The following STK32C variants were observed in gnomAD, a reference collection of about 807,000 sequenced individuals.
STK32C encodes serine/threonine-protein kinase 32C.
STK32C carries 31 observed loss-of-function variants against 56.5 expected under a neutral mutation model. The ratio of observed to expected loss-of-function variants is 0.55; its 90% confidence interval spans 0.41 to 0.74. The LOEUF is 0.74. STK32C is among the 30% of genes least tolerant of loss of function. The pLI is 0.00. For missense variants in STK32C, 544 were observed against 676.9 expected (o/e 0.80, Z 2.18); for synonymous variants, 309 against 289.4 (o/e 1.07, Z -0.69).
intron 1 of STK32C, among the ~76,000 whole-genome samples, chr10:132,278,927 G>C (rs2065070581): frequency 1.3e-5 from 2 of 152,182 alleles, no homozygotes; most frequent in Non-Finnish European, 1.5e-5. Context: ...CATGGTACAA[G>C]AGTGTGTCAG....
rs544433569 is a variant in STK32C at position 132,254,445 on chromosome 10, A to G, written c.263-8490T>C. 5.4e-3 allele frequency among the ~76,000 whole-genome samples: 807 copies of G among 149,360 alleles called. 5 individuals carry two copies. Among genetic ancestry groups the G allele is most frequent in the Non-Finnish European group, 6.6e-3 (445 of 66,992 alleles). ...ATAAGCCTGCCGCAGGGCGCCGGGA[A>G]TCAGCACTATGTCACCCCGGCACAA... On this transcript the variant is annotated intron_variant, in intron 1 of 11. Transcript: ENST00000298630.
In STK32C at chr10:132,276,692, C is replaced by A. The variant is rs148471656; in HGVS notation, c.263-30737G>T. ...GTCCCAGCTACTCAGGAGACTGGGGCGGGAGGATTGCTTGAGCCCAGGAGC... is the reference window on the plus strand; with the variant it reads ...GTCCCAGCTACTCAGGAGACTGGGGAGGGAGGATTGCTTGAGCCCAGGAGC... On this transcript the variant is annotated intron_variant, in intron 1 of 11. Transcript: ENST00000298630. 1.7e-4 allele frequency among the ~76,000 whole-genome samples: 26 copies of A among 151,974 alleles called. No individual in the cohort carries two copies. The East Asian group carries it at 4.8e-3, about 28-fold the overall frequency.
chr10:132,221,541 G>A lies in STK32C; in HGVS notation c.1251+1100C>T, dbSNP rs570620168. Among the ~76,000 whole-genome samples, 9 of 145,412 alleles carry A rather than the reference G, an allele frequency of 6.2e-5. No individual in the cohort carries two copies. The South Asian group carries it at 2.0e-3, about 33-fold the overall frequency. ...AACTAATATCAACGCACCTGGGCAA[G>A]TGTGAGGGCTTCACGTGGCCATCCC... is the stretch of plus-strand genomic sequence containing the variant. On this transcript the variant is annotated intron_variant, in intron 10 of 11. Coordinates refer to ENST00000298630, the MANE Select transcript of STK32C (RefSeq NM_173575.4).
In STK32C at chr10:132,267,814, CGT is replaced by C. The variant is rs1170278536; in HGVS notation, c.263-21861_263-21860del. Among the ~76,000 whole-genome samples, 6 of 78,054 alleles carry C rather than the reference CGT, an allele frequency of 7.7e-5. 1 individual carries two copies. The highest frequency in any genetic ancestry group is 3.9e-4 in the East Asian group (1 of 2,570). The allele number at this position is 78,054 out of a possible 152,430, so 51.2% of individuals were successfully genotyped here. ...GCCTGTGTGCATGCATGTCCCACAT[CGT>C]GTGTGTGTGTGTCAGTGCGTGTGCA... is the stretch of plus-strand genomic sequence containing the variant. On this transcript the variant is annotated intron_variant, in intron 1 of 11. Transcript: ENST00000298630.
At position 132,238,974 on chromosome 10, in the gene STK32C, T is replaced by C. The variant is rs375783348; in HGVS notation, c.318+6926A>G. Among the ~76,000 whole-genome samples, 1,144 of 152,300 alleles carry C rather than the reference T, an allele frequency of 7.5e-3. 19 individuals carry two copies. The South Asian group carries it at 0.083, about 11-fold the overall frequency. ...GTGACTGTCCAGCCCTGTCGGGTCCTCAGTGCTCCTGAAACCCTCGCCCTG... is the reference window on the plus strand; with the variant it reads ...GTGACTGTCCAGCCCTGTCGGGTCCCCAGTGCTCCTGAAACCCTCGCCCTG... On this transcript the variant is annotated intron_variant, in intron 2 of 11. Coordinates refer to ENST00000298630, the MANE Select transcript of STK32C (RefSeq NM_173575.4).
intron 1 of STK32C, among the ~76,000 whole-genome samples, chr10:132,272,740 G>A (rs760943833): frequency 1.3e-5 from 2 of 152,108 alleles, no homozygotes; most frequent in South Asian, 2.1e-4. Context: ...TGCAGGCGTC[G>A]TCCTTTTGAA....
At chr10:132,241,331 A>T (rs754672781) in intron 2 of STK32C, among the ~76,000 whole-genome samples, 7 of 152,244 alleles carry the variant, frequency 4.6e-5, no homozygotes, top group Non-Finnish European at 1.0e-4. Flanking sequence ...TGGCTCAACG[A>T]CAAGGTCGAC....
At chr10:132,245,139 C>T (rs967664495) in intron 2 of STK32C, among the ~76,000 whole-genome samples, 2 of 152,180 alleles carry the variant, frequency 1.3e-5, no homozygotes, top group Non-Finnish European at 2.9e-5. Context: ...GCATGGCAAT[C>T]GCTTTAAAAA....
At position 132,208,138 on chromosome 10, in the gene STK32C, G is replaced by A. The variant is rs2062157818; in HGVS notation, c.1333C>T (p.Gln445Ter). 1 of 1,310,438 alleles carries A rather than the reference G, an allele frequency of 7.6e-7. No individual in the cohort carries two copies. The allele number at this position is 1,310,438 out of a possible 1,614,324, so 81.2% of individuals were successfully genotyped here. ...IFNREKLKRS[Q>*]DLPREPLPAP... ...GGGAGAGGCTCCCTCGGGAGGTCCT[G>A]GCTCCTCTTCAGCCTGGGGTGGCAG... Residue 445 changes from glutamine to a stop codon, truncating the protein, a stop_gained, in exon 12 of 12, where the codon CAG (glutamine) becomes TAG (stop). Coordinates refer to ENST00000298630, the MANE Select transcript of STK32C (RefSeq NM_173575.4). LOFTEE classifies it low-confidence loss of function (END_TRUNC).
At chr10:132,249,392 GA>G (rs2063817838) in intron 1 of STK32C, among the ~76,000 whole-genome samples, 1 of 152,198 alleles carries the variant, frequency 6.6e-6, no homozygotes, top group Admixed American at 6.5e-5. Context: ...GCTGCTCAGG[GA>G]AGGTGCAGGC....
At chr10:132,304,515 T>C (rs2066000775) in intron 1 of STK32C, among the ~76,000 whole-genome samples, 1 of 152,208 alleles carries the variant, frequency 6.6e-6, no homozygotes, top group South Asian at 2.1e-4. Context: ...AACAAGCACC[T>C]TACGGCAAAT....
At chr10:132,284,391 AGGTGAGGTTGCAG>A in intron 1 of STK32C, among the ~76,000 whole-genome samples, 1 of 18,078 alleles carries the variant, frequency 5.5e-5, no homozygotes, top group African/African-American at 2.0e-4. Flanking sequence ...TTGGGGGGGC[AGGTGAGGTTGCAG>A]GGGCAGGTGA....
At chr10:132,331,687 G>A in exon 1 of STK32C, 1 of 1,612,740 alleles carries the variant, frequency 6.2e-7, no homozygotes, top group African/African-American at 1.3e-5. Flanking sequence ...CTGTCCTCGA[G>A]CAGCCCCGCC....
In STK32C at chr10:132,307,341, C is replaced by A; in HGVS notation, c.262+231G>T. The A allele has an allele frequency of 2.5e-6, 1 of 393,882 alleles. No individual in the cohort carries two copies. The highest frequency in any genetic ancestry group is 4.4e-6 in the Non-Finnish European group (1 of 227,596). 24.4% of individuals were successfully genotyped at this position (393,882 alleles called of 1,614,324 possible). Reference sequence around the variant, plus strand: ...CGCGGGGGACCCTCGCCCCGAGGGCCCGGGCCCAGCCTGCTCCTCCTGCGG... The same window carrying A: ...CGCGGGGGACCCTCGCCCCGAGGGCACGGGCCCAGCCTGCTCCTCCTGCGG... On this transcript the variant is annotated intron_variant, in intron 1 of 11. Coordinates refer to ENST00000298630, the MANE Select transcript of STK32C (RefSeq NM_173575.4). This position sits in a 1 kb window ranked among gnomAD's most constrained non-coding sequence, Gnocchi z 4.4.
chr10:132,216,164 C>T (rs1293293686), intron 10 of STK32C, among the ~76,000 whole-genome samples: 1 of 152,132 alleles, frequency 6.6e-6, no homozygotes, highest in Non-Finnish European at 1.5e-5. Flanking sequence ...CCTGACAATG[C>T]AATAGAAAAG....
At chr10:132,229,674 G>T (rs1050684819) in intron 2 of STK32C, among the ~76,000 whole-genome samples, 4 of 152,188 alleles carry the variant, frequency 2.6e-5, no homozygotes, top group Non-Finnish European at 5.9e-5. Flanking sequence ...ACCTGTCTCA[G>T]TCACATCCTG....
chr10:132,265,172 G>A (rs991961580), intron 1 of STK32C, among the ~76,000 whole-genome samples: 1 of 134,142 alleles, frequency 7.5e-6, no homozygotes, highest in Non-Finnish European at 1.7e-5. Flanking sequence ...AGGGCGGCGA[G>A]GTGGCTCTGG....
At chr10:132,257,032 C>T (rs1238892854) in intron 1 of STK32C, among the ~76,000 whole-genome samples, 1 of 152,134 alleles carries the variant, frequency 6.6e-6, no homozygotes, top group Non-Finnish European at 1.5e-5. Flanking sequence ...AGGAAGGAGC[C>T]CTGGCCAGGA....
intron 1 of STK32C, among the ~76,000 whole-genome samples, chr10:132,272,224 A>C (rs1343525633): frequency 6.6e-6 from 1 of 152,188 alleles, no homozygotes; most frequent in Non-Finnish European, 1.5e-5. Flanking sequence ...CCGTGTCCTC[A>C]CAGAAAAGAT....
Sources: allele counts gnomAD v4.1 joint callset (sites outside exome capture counted in the v4.1 genomes callset), GRCh38; gene constraint gnomAD v4.1.1; non-coding constraint Gnocchi (gnomAD v3.1); transcripts MANE v1.5; gene names NCBI Gene and HGNC (gene_info 2026-07-23, HGNC 2026-07-21).